The following PTPRD variants were observed in gnomAD, a reference collection of about 807,000 sequenced individuals.
PTPRD encodes the protein protein tyrosine phosphatase receptor type D.
Under a neutral mutation model 214.5 loss-of-function variants are expected in PTPRD, and 34 were observed. The ratio of observed to expected loss-of-function variants is 0.16; its 90% CI spans 0.12 to 0.21. The LOEUF (loss-of-function observed/expected upper bound fraction) is 0.21. Ranked by LOEUF, PTPRD falls within the 10% of genes least tolerant of loss-of-function variation. The pLI, the probability that PTPRD is intolerant of heterozygous loss-of-function variation, is 1.00. For synonymous variants in PTPRD, 1,128 were observed against 845.7 expected (o/e 1.33, Z -5.79); for missense variants, 2,545 against 2,398.7 (o/e 1.06, Z -1.27).
In PTPRD at chr9:8,485,410, C is replaced by T. The variant is rs187723424; in HGVS notation, c.3056-86G>A. On this transcript the variant is annotated intron_variant, in intron 28 of 45. Transcript: ENST00000381196. The stretch of plus-strand genomic sequence containing the variant: ...CCACCATGGACCATAGGGGCTTATG[C>T]TAGATGCTGTCTACTTTGATCAGAG... The T allele has an allele frequency of 1.0e-4, 90 of 882,996 alleles. No individual in the cohort carries two copies. The East Asian group carries it at 2.3e-3, about 23-fold the overall frequency. The allele number at this position is 882,996 out of a possible 1,614,324, so 54.7% of individuals were successfully genotyped here.
chr9:8,635,406 A>T (rs1464219481), intron 13 of PTPRD, among the ~76,000 whole-genome samples: 1 of 151,914 alleles, frequency 6.6e-6, no homozygotes, highest in Non-Finnish European at 1.5e-5. Context: ...CACAGGAAAC[A>T]TTTTCCAAAT....
chr9:10,134,268 CAAGGGAG>C (rs2098925502), intron 3 of PTPRD, among the ~76,000 whole-genome samples: 1 of 152,132 alleles, frequency 6.6e-6, no homozygotes, highest in Non-Finnish European at 1.5e-5. Context: ...TGGCTGCCCC[CAAGGGAG>C]AAGGGAGCAC....
At chr9:10,419,009 G>C (rs1357135446) in intron 2 of PTPRD, among the ~76,000 whole-genome samples, 2 of 151,796 alleles carry the variant, frequency 1.3e-5, no homozygotes, top group Admixed American at 1.3e-4. Flanking sequence ...GGGCAATTTA[G>C]GACTTAGCAG....
intron 4 of PTPRD, among the ~76,000 whole-genome samples, chr9:9,980,543 A>T (rs1283502888): frequency 1.6e-5 from 2 of 128,342 alleles, no homozygotes; most frequent in Non-Finnish European, 3.2e-5. Flanking sequence ...GGGGGGGCAA[A>T]GGTTGCAGTG....
intron 34 of PTPRD, among the ~76,000 whole-genome samples, chr9:8,443,275 T>C (rs1053068834): frequency 4.5e-4 from 69 of 152,194 alleles, no homozygotes; most frequent in African/African-American, 1.6e-3. Flanking sequence ...TCCGGTATTC[T>C]TAACCTAGGT....
intron 11 of PTPRD, among the ~76,000 whole-genome samples, chr9:8,851,459 AAGAG>A (rs760248905): frequency 3.5e-4 from 54 of 152,338 alleles, no homozygotes; most frequent in Non-Finnish European, 6.8e-4. Context: ...TAAGCAGAAA[AAGAG>A]AGTTCTAGCA....
At chr9:10,393,653 G>A (rs2098114657) in intron 2 of PTPRD, among the ~76,000 whole-genome samples, 1 of 147,470 alleles carries the variant, frequency 6.8e-6, no homozygotes, top group African/African-American at 2.5e-5. Context: ...ATATATTAGA[G>A]AGAGAGAGAG....
At chr9:9,662,109 T>C (rs1225244593) in intron 7 of PTPRD, among the ~76,000 whole-genome samples, 3 of 151,734 alleles carry the variant, frequency 2.0e-5, no homozygotes, top group Non-Finnish European at 4.4e-5. Flanking sequence ...ATAGCATTCT[T>C]CTCATTGAGA....
At chr9:10,492,510 T>G (rs1022337352) in intron 2 of PTPRD, among the ~76,000 whole-genome samples, 1 of 152,146 alleles carries the variant, frequency 6.6e-6, no homozygotes, top group Admixed American at 6.6e-5. Context: ...ATAAATGTCT[T>G]TTTTTGAGAA....
At chr9:8,977,981 GC>G (rs1430883352) in intron 11 of PTPRD, among the ~76,000 whole-genome samples, 3 of 152,050 alleles carry the variant, frequency 2.0e-5, no homozygotes, top group Admixed American at 2.0e-4. Flanking sequence ...ATGCATAAAT[GC>G]CTTGGGGTGT....
At position 8,319,873 on chromosome 9, in the gene PTPRD, G is replaced by A. The variant is rs769432787; in HGVS notation, c.5628C>T (p.Val1876=). 3 of 1,611,358 alleles carry A rather than the reference G, an allele frequency of 1.9e-6. No individual in the cohort carries two copies. In the East Asian group the frequency reaches 6.7e-5, roughly 36 times the overall value. The change falls in exon 45 of 46, where the codon GTC becomes GTT. Residue 1876 remains valine, a synonymous_variant. Transcript: ENST00000381196. ...CTGGTCGTTGTGTTCTTAACATTTTGACAGTCTGGAAGATATCTACAACTC... is the reference window on the plus strand; with the variant it reads ...CTGGTCGTTGTGTTCTTAACATTTTAACAGTCTGGAAGATATCTACAACTC... The part of the protein sequence containing the change: ...YEGVVDIFQT[V]KMLRTQRPAM...
intron 35 of PTPRD, among the ~76,000 whole-genome samples, chr9:8,405,740 G>C (rs936564342): frequency 4.6e-5 from 7 of 151,946 alleles, no homozygotes; most frequent in African/African-American, 1.7e-4. Flanking sequence ...TTTATACCCA[G>C]GTAATTTTTT....
At chr9:9,844,418 G>A (rs558275738) in intron 5 of PTPRD, among the ~76,000 whole-genome samples, 3 of 152,024 alleles carry the variant, frequency 2.0e-5, no homozygotes, top group African/African-American at 7.2e-5. Context: ...AAACAGAGTA[G>A]GATGATGGCT....
At chr9:9,009,401 GTTCT>G (rs1028970815) in intron 11 of PTPRD, among the ~76,000 whole-genome samples, 12 of 149,268 alleles carry the variant, frequency 8.0e-5, no homozygotes, top group African/African-American at 2.2e-4. Flanking sequence ...AATTTCAGCA[GTTCT>G]TTCTATTTTA....
intron 7 of PTPRD, among the ~76,000 whole-genome samples, chr9:9,658,620 C>G (rs2096566255): frequency 1.3e-5 from 2 of 152,174 alleles, no homozygotes; most frequent in South Asian, 4.1e-4. Context: ...CTTTTATTGG[C>G]AGAGAAGGTT....
At chr9:9,270,182 C>T (rs1429996482) in intron 9 of PTPRD, among the ~76,000 whole-genome samples, 2 of 151,022 alleles carry the variant, frequency 1.3e-5, no homozygotes, top group Non-Finnish European at 3.0e-5. Flanking sequence ...CAAAACATCA[C>T]GTTGCACACA....
chr9:9,870,785 G>A (rs1364522709), intron 5 of PTPRD, among the ~76,000 whole-genome samples: 2 of 152,000 alleles, frequency 1.3e-5, no homozygotes, highest in African/African-American at 4.8e-5. Context: ...CACTCCAGGG[G>A]AAATTGCAGA....
intron 8 of PTPRD, among the ~76,000 whole-genome samples, chr9:9,571,544 T>G (rs1473567611): frequency 3.3e-5 from 5 of 151,284 alleles, no homozygotes; most frequent in African/African-American, 1.2e-4. Context: ...AATGATGCTG[T>G]AGAACATTCA....
At chr9:9,065,731 A>G (rs1013367501) in intron 10 of PTPRD, among the ~76,000 whole-genome samples, 1 of 152,152 alleles carries the variant, frequency 6.6e-6, no homozygotes, top group African/African-American at 2.4e-5. Context: ...TTCCCTCTCA[A>G]GTCAAATTCT....
Sources: gnomAD v4.1 joint callset for allele counts (sites outside exome capture counted in the v4.1 genomes callset) on GRCh38, gnomAD v4.1.1 for gene constraint, MANE v1.5 for transcripts, NCBI Gene and HGNC (gene_info 2026-07-23, HGNC 2026-07-21) for gene names.